Variants in POR observed in about 807,000 individuals in gnomAD.
POR encodes the protein cytochrome p450 oxidoreductase, also known as NADPH--cytochrome P450 reductase.
A neutral mutation model predicts 84.0 loss-of-function variants in POR; 56 were observed. The ratio of observed to expected loss-of-function variants is 0.67; its 90% CI spans 0.54 to 0.83. POR has a LOEUF of 0.83. Ranked by LOEUF, POR falls within the 40% of genes least tolerant of loss-of-function variation. The pLI is 0.00. For missense variants in POR, 938 were observed against 944.3 expected, an observed-to-expected ratio of 0.99 and a Z score of 0.09; for synonymous variants, 414 against 400.5, an observed-to-expected ratio of 1.03 and a Z score of -0.40.
At chr7:75,926,586 G>A (rs1807142440) in intron 1 of POR, among the ~76,000 whole-genome samples, 1 of 151,938 alleles carries the variant, frequency 6.6e-6, no homozygotes. Flanking sequence ...ACCTGAGGTC[G>A]CGAGTTCGAG....
chr7:75,917,101 T>G (rs529031440), intron 1 of POR, among the ~76,000 whole-genome samples: 73 of 152,002 alleles, frequency 4.8e-4, no homozygotes, highest in African/African-American at 1.7e-3. Context: ...CAGGTCTCAC[T>G]CTGTCGTGCA....
intron 3 of POR, among the ~76,000 whole-genome samples, chr7:75,978,955 C>A (rs1378882037): frequency 6.6e-6 from 1 of 152,116 alleles, no homozygotes; most frequent in Admixed American, 6.5e-5. Context: ...CGCCACCATG[C>A]CCGGCTAATT....
intron 7 of POR, 54 bp downstream of exon 7, chr7:75,981,660 G>A: frequency 1.4e-6 from 2 of 1,476,220 alleles, no homozygotes; most frequent in South Asian, 1.2e-5. Context: ...CTGTGCCGAG[G>A]GCAGCCACCC....
chr7:75,985,794 CG>C lies in POR; in HGVS notation c.1618del (p.Val540TrpfsTer5). 1 of 1,567,138 alleles carries C rather than the reference CG, an allele frequency of 6.4e-7. No individual in the cohort carries two copies. Among genetic ancestry groups the C allele is most frequent in the Admixed American group, 1.9e-5 (1 of 53,406 alleles). ...CTGTCATCATGGTGGGCCCCGGCAC[CG>C]GGGTGGCACCCTTCATAGGCTTCAT... On this transcript the variant is annotated frameshift_variant, in exon 13 of 16. Coordinates refer to ENST00000461988, the MANE Select transcript of POR (RefSeq NM_000941.3). LOFTEE classifies it high-confidence loss of function.
At chr7:75,917,152 C>T (rs1216728431) in intron 1 of POR, among the ~76,000 whole-genome samples, 1 of 151,876 alleles carries the variant, frequency 6.6e-6, no homozygotes, top group Non-Finnish European at 1.5e-5. Flanking sequence ...ACTGCAGCCT[C>T]AACCTCCAGG....
At chr7:75,979,172 T>G (rs1788856800) in intron 3 of POR, among the ~76,000 whole-genome samples, 2 of 152,232 alleles carry the variant, frequency 1.3e-5, no homozygotes, top group Non-Finnish European at 2.9e-5. Context: ...ATTTGGTTAC[T>G]TTTTTTAACT....
chr7:75,967,286 C>T (rs368695202), intron 2 of POR, among the ~76,000 whole-genome samples: 7 of 152,146 alleles, frequency 4.6e-5, no homozygotes, highest in South Asian at 2.1e-4. Flanking sequence ...CTTGGGCTTT[C>T]GGATGGGCTG....
chr7:75,968,400 T>C (rs562639888), intron 2 of POR: 1 of 399,862 alleles, frequency 2.5e-6, no homozygotes, highest in African/African-American at 2.1e-5. Flanking sequence ...AGGAAGGAAT[T>C]TGGACTGGAG....
chr7:75,985,424 G>T, intron 12 of POR, 155 bp from the exon 13 acceptor site: 2 of 1,155,596 alleles, frequency 1.7e-6, no homozygotes, highest in African/African-American at 3.1e-5. Context: ...GAACCAGTCC[G>T]GGAAGCCGCT....
At chr7:75,982,513 G>C (rs1554558263) in intron 8 of POR, among the ~76,000 whole-genome samples, 191 bp downstream of exon 8, 1 of 152,224 alleles carries the variant, frequency 6.6e-6, no homozygotes, top group African/African-American at 2.4e-5. Context: ...AGTTTGTACT[G>C]AGCTCACTTA....
At position 75,986,849 on chromosome 7, in the gene POR, T is replaced by C. The variant is rs1468789483; in HGVS notation, c.*368T>C. 1.7e-6 allele frequency: 1 copy of C among 574,132 alleles called. No individual in the cohort carries two copies. The highest frequency in any genetic ancestry group is 3.3e-5 in the Admixed American group (1 of 30,148). 35.6% of individuals were successfully genotyped at this position (574,132 alleles called of 1,614,324 possible). A position where few individuals can be genotyped will look rare whatever the true frequency, so the allele number is the denominator to read the frequency against. On this transcript the variant is annotated 3_prime_UTR_variant, in exon 16 of 16. Coordinates refer to ENST00000461988, the MANE Select transcript of POR (RefSeq NM_000941.3). The stretch of plus-strand genomic sequence containing the variant: ...CTGGCCCTTGGAATAAAGTTCTGTT[T>C]TCTGTATTTGCCTGGTATTGTGTGA...
Position 75,936,851 on chromosome 7 carries a change from G to A in POR, c.-4-17138G>A, listed in dbSNP as rs1177565516. ...TTTTTTTTTTTTTTTTTTTGAGACC[G>A]AGTCCTGCTCTGTCACCCAGGCTGG... On this transcript the variant is annotated intron_variant, in intron 1 of 15. Transcript: ENST00000461988. Among the ~76,000 whole-genome samples, 9 of 134,224 alleles carry A rather than the reference G, an allele frequency of 6.7e-5. No individual in the cohort carries two copies. In the East Asian group the frequency reaches 1.5e-3, roughly 23 times the overall value. The allele number at this position is 134,224 out of a possible 152,430, so 88.1% of individuals were successfully genotyped here. A position where few individuals can be genotyped will look rare whatever the true frequency, so the allele number is the denominator to read the frequency against.
intron 1 of POR, among the ~76,000 whole-genome samples, chr7:75,937,293 A>G (rs1554550972): frequency 7.0e-6 from 1 of 142,764 alleles, no homozygotes; most frequent in East Asian, 2.0e-4. Context: ...CATCTCTACA[A>G]AAAAAAAAAA....
intron 1 of POR, among the ~76,000 whole-genome samples, chr7:75,926,599 C>T (rs552616277): frequency 3.3e-5 from 5 of 152,138 alleles, no homozygotes; most frequent in African/African-American, 7.2e-5. Flanking sequence ...AGTTCGAGAC[C>T]GGCCTGACCA....
At chr7:75,932,579 A>ATT (rs149508006) in intron 1 of POR, among the ~76,000 whole-genome samples, 5 of 151,496 alleles carry the variant, frequency 3.3e-5, no homozygotes, top group African/African-American at 1.2e-4. Flanking sequence ...AACAGTTTTA[A>ATT]TTTTTTTTTC....
intron 2 of POR, among the ~76,000 whole-genome samples, chr7:75,960,240 G>A (rs886370620): frequency 7.2e-5 from 11 of 151,792 alleles, no homozygotes; most frequent in Admixed American, 3.3e-4. Context: ...GCCGAGCGCC[G>A]AGCTCACACC....
At chr7:75,943,855 A>C (rs1585097384) in intron 1 of POR, 1 of 513,234 alleles carries the variant, frequency 1.9e-6, no homozygotes. Flanking sequence ...TAGAAATTGC[A>C]GGAAAGTCCA....
At chr7:75,952,244 C>G (rs1787466261) in intron 1 of POR, among the ~76,000 whole-genome samples, 2 of 145,030 alleles carry the variant, frequency 1.4e-5, no homozygotes, top group South Asian at 2.2e-4. Flanking sequence ...GGGGCTGACC[C>G]CCCCACCTCC....
At chr7:75,966,308 G>A (rs1192073740) in intron 2 of POR, among the ~76,000 whole-genome samples, 1 of 152,152 alleles carries the variant, frequency 6.6e-6, no homozygotes, top group Admixed American at 6.5e-5. Flanking sequence ...TGTCCGCAGA[G>A]ACAGCTGCTG....
Sources: gnomAD v4.1 joint callset for allele counts (sites outside exome capture counted in the v4.1 genomes callset) on GRCh38, gnomAD v4.1.1 for gene constraint, MANE v1.5 for transcripts, NCBI Gene and HGNC (gene_info 2026-07-23, HGNC 2026-07-21) for gene names.